Variants in CLNK observed in about 807,000 individuals in gnomAD.
CLNK encodes the protein cytokine dependent hematopoietic cell linker.
Under a neutral mutation model 68.6 loss-of-function variants are expected in CLNK, and 74 were observed. The observed-to-expected ratio is 1.08, with a 90% confidence interval of 0.89 to 1.31. The LOEUF is 1.31. CLNK is among the 50% of genes most tolerant of loss of function. The pLI is 0.00. For synonymous variants in CLNK, 198 were observed against 172.2 expected (o/e 1.15, Z -1.17); for missense variants, 553 against 515.3 (o/e 1.07, Z -0.71).
intron 2 of CLNK, among the ~76,000 whole-genome samples, chr4:10,661,350 A>T (rs146774662): frequency 1.3e-5 from 2 of 152,234 alleles, no homozygotes. Context: ...TCAAAGAGAA[A>T]ATATGCCTCT....
the CLNK span, among the ~76,000 whole-genome samples, chr4:10,709,410 C>T: frequency 1.3e-4 from 20 of 152,192 alleles, no homozygotes; most frequent in Non-Finnish European, 1.8e-4. Context: ...ATTTTATGAA[C>T]GAGGAGACAA....
chr4:10,511,169 T>TA (rs939963539), intron 16 of CLNK, among the ~76,000 whole-genome samples: 1 of 147,632 alleles, frequency 6.8e-6, no homozygotes, highest in African/African-American at 2.5e-5. Flanking sequence ...CAAAAAAAAT[T>TA]AAAAAAAAAA....
intron 4 of CLNK, among the ~76,000 whole-genome samples, chr4:10,578,577 A>ATTTTTTTTTTTTTTTTTTTTT (rs1348346482): frequency 1.2e-5 from 1 of 80,794 alleles, no homozygotes; most frequent in African/African-American, 4.8e-5. Flanking sequence ...GGCTTACCTT[A>ATTTTTTTTTTTTTTTTTTTTT]TCTTTTTTTT....
At chr4:10,655,897 C>T (rs966210369) in intron 2 of CLNK, among the ~76,000 whole-genome samples, 4 of 152,042 alleles carry the variant, frequency 2.6e-5, no homozygotes, top group African/African-American at 7.2e-5. Context: ...GATCTGCCCG[C>T]TTTGGCCTCC....
chr4:10,599,626 C>A (rs566854267), intron 2 of CLNK, among the ~76,000 whole-genome samples: 1 of 152,300 alleles, frequency 6.6e-6, no homozygotes, highest in South Asian at 2.1e-4. Context: ...CAGACACAGG[C>A]CTTTTTCCTA....
At chr4:10,528,452 C>G (rs1032778257) in intron 12 of CLNK, among the ~76,000 whole-genome samples, 1 of 152,160 alleles carries the variant, frequency 6.6e-6, no homozygotes, top group African/African-American at 2.4e-5. Context: ...AACCTGAAAT[C>G]TGAGCCAAGT....
At chr4:10,699,357 C>CACACACCACAG in the CLNK span, among the ~76,000 whole-genome samples, 1 of 35,136 alleles carries the variant, frequency 2.8e-5, no homozygotes. Context: ...CACACACACA[C>CACACACCACAG]ACAGTCATCC....
At chr4:10,522,032 G>GCGGAT (rs1221720367) in intron 14 of CLNK, among the ~76,000 whole-genome samples, 3 of 152,134 alleles carry the variant, frequency 2.0e-5, no homozygotes, top group Non-Finnish European at 4.4e-5. Flanking sequence ...GCTGAGGCAG[G>GCGGAT]CGGATCACAA....
Position 10,489,843 on chromosome 4 carries a change from T to C in CLNK, c.*624A>G, listed in dbSNP as rs991519845. The C allele has an allele frequency of 1.3e-5, 2 of 151,852 alleles. No homozygotes were observed. The highest frequency in any genetic ancestry group is 4.8e-5 in the African/African-American group (2 of 41,280). The allele number at this position is 151,852 out of a possible 1,614,324, so 9.4% of individuals were successfully genotyped here. A position where few individuals can be genotyped will look rare whatever the true frequency, so the allele number is the denominator to read the frequency against. ...CACCACGCCCAGCTGATTTTTTGTA[T>C]TTTTAGTAGACATGGGGTTTCACCA... On this transcript the variant is annotated 3_prime_UTR_variant, in exon 19 of 19. Transcript: ENST00000226951.
chr4:10,633,012 A>G (rs1305552676), intron 2 of CLNK, among the ~76,000 whole-genome samples: 1 of 152,226 alleles, frequency 6.6e-6, no homozygotes, highest in Non-Finnish European at 1.5e-5. Context: ...ATCTCAGCTC[A>G]CTACAACTTC....
At chr4:10,679,756 A>T (rs1725019523) in intron 1 of CLNK, among the ~76,000 whole-genome samples, 1 of 152,248 alleles carries the variant, frequency 6.6e-6, no homozygotes, top group South Asian at 2.1e-4. Flanking sequence ...GCCAAAAAAC[A>T]CATGAAAATA....
Position 10,671,579 on chromosome 4 carries a change from G to T in CLNK, c.-42-3668C>A, listed in dbSNP as rs145011624. Among the ~76,000 whole-genome samples, 115 of 152,280 alleles carry T rather than the reference G, an allele frequency of 7.6e-4. 1 individual carries two copies. Among genetic ancestry groups the T allele is most frequent in the Non-Finnish European group, 1.4e-3 (96 of 68,026 alleles). On this transcript the variant is annotated intron_variant, in intron 1 of 18. Coordinates refer to ENST00000226951, the MANE Select transcript of CLNK (RefSeq NM_052964.4). ...TCTTAGCCATCGTGCAAAGGATGTG[G>T]TGAAGTCAGTCAGAAAGAGTCTTAT... is the stretch of plus-strand genomic sequence containing the variant.
chr4:10,580,121 G>A (rs530563039), intron 4 of CLNK, among the ~76,000 whole-genome samples: 82 of 152,078 alleles, frequency 5.4e-4, no homozygotes, highest in African/African-American at 1.9e-3. Context: ...ATCCAGTTCG[G>A]CACAAGACTA....
intron 6 of CLNK, 100 bp from the exon 7 acceptor site, chr4:10,564,877 A>G: frequency 4.0e-6 from 3 of 750,388 alleles, no homozygotes; most frequent in Non-Finnish European, 2.3e-6. Context: ...GGATCATTAC[A>G]ACGTAAGTAA....
chr4:10,550,580 G>A (rs1228529228), intron 8 of CLNK, among the ~76,000 whole-genome samples: 1 of 152,162 alleles, frequency 6.6e-6, no homozygotes, highest in Non-Finnish European at 1.5e-5. Flanking sequence ...AATGTTCCAA[G>A]ACTCACGATG....
At chr4:10,566,261 T>G in intron 5 of CLNK, 111 bp from the exon 6 acceptor site, 1 of 1,033,480 alleles carries the variant, frequency 9.7e-7, no homozygotes. Context: ...GCAAGTTAAA[T>G]ATTTAAGAAT....
chr4:10,546,778 T>A (rs1719249754), intron 8 of CLNK, among the ~76,000 whole-genome samples: 1 of 152,158 alleles, frequency 6.6e-6, no homozygotes, highest in African/African-American at 2.4e-5. Context: ...TAAGACAGAA[T>A]AATGGAAACT....
chr4:10,592,569 C>T (rs1184001676), intron 3 of CLNK, among the ~76,000 whole-genome samples: 1 of 151,826 alleles, frequency 6.6e-6, no homozygotes, highest in Admixed American at 6.6e-5. Flanking sequence ...TCATAGGAGG[C>T]TCTCGGTATA....
At chr4:10,542,638 A>ATT (rs1719078026) in intron 8 of CLNK, among the ~76,000 whole-genome samples, 1 of 147,650 alleles carries the variant, frequency 6.8e-6, no homozygotes, top group Non-Finnish European at 1.5e-5. Flanking sequence ...GCATGTGTAT[A>ATT]TGTGTGTGTG....
Sources: gnomAD v4.1 joint callset for allele counts (sites outside exome capture counted in the v4.1 genomes callset) on GRCh38, gnomAD v4.1.1 for gene constraint, MANE v1.5 for transcripts, NCBI Gene and HGNC (gene_info 2026-07-23, HGNC 2026-07-21) for gene names.